The following ERMP1 variants were observed in gnomAD, a reference collection of about 807,000 sequenced individuals.
ERMP1 encodes the protein endoplasmic reticulum metallopeptidase 1.
ERMP1 carries 86 observed loss-of-function variants against 92.0 expected under a neutral mutation model. The observed-to-expected ratio is 0.93, with a 90% CI of 0.79 to 1.12. The LOEUF (loss-of-function observed/expected upper bound fraction) is 1.12. Ranked by LOEUF, ERMP1 falls within the 50% of genes most tolerant of loss-of-function variation. The pLI is 0.00. For missense variants in ERMP1, 1,342 were observed against 1,116.3 expected, an observed-to-expected ratio of 1.20 and a Z score of -2.88; for synonymous variants, 530 against 412.8, an observed-to-expected ratio of 1.28 and a Z score of -3.44.
intron 4 of ERMP1, among the ~76,000 whole-genome samples, chr9:5,819,500 A>G (rs902736307): frequency 1.3e-5 from 2 of 152,254 alleles, no homozygotes; most frequent in African/African-American, 2.4e-5. Context: ...TGCCTGTCCA[A>G]TCTCAGACTG....
At chr9:5,790,383 CAAAT>C (rs1828135476) in intron 13 of ERMP1, among the ~76,000 whole-genome samples, 2 of 151,492 alleles carry the variant, frequency 1.3e-5, no homozygotes, top group South Asian at 4.1e-4. Context: ...AGGAATATAA[CAAAT>C]AAAGCAACAC....
chr9:5,804,088 A>C (rs34775274), intron 10 of ERMP1, among the ~76,000 whole-genome samples: 4,453 of 152,296 alleles, frequency 0.029, 70 homozygotes, highest in Admixed American at 0.041. Context: ...GCCCTTTACT[A>C]TATCAGTATG....
chr9:5,858,249 T>A (rs188847878), intron 6 of ERMP1, among the ~76,000 whole-genome samples: 83 of 151,764 alleles, frequency 5.5e-4, no homozygotes, highest in African/African-American at 1.9e-3. Flanking sequence ...GTAAAAATGA[T>A]GAGAGATGAA....
intron 6 of ERMP1, among the ~76,000 whole-genome samples, chr9:5,851,310 ATT>A (rs1476017567): frequency 6.6e-6 from 1 of 151,896 alleles, no homozygotes; most frequent in Non-Finnish European, 1.5e-5. Context: ...CTTTTCTTTC[ATT>A]TGTTTCTGTT....
At chr9:5,820,013 C>T (rs1398446795) in intron 4 of ERMP1, among the ~76,000 whole-genome samples, 1 of 152,154 alleles carries the variant, frequency 6.6e-6, no homozygotes, top group East Asian at 1.9e-4. Context: ...CTAAAGAAGG[C>T]TACAGGCCGG....
At chr9:5,844,647 G>T (rs752365244) in intron 6 of ERMP1, among the ~76,000 whole-genome samples, 5 of 152,200 alleles carry the variant, frequency 3.3e-5, no homozygotes, top group Non-Finnish European at 5.9e-5. Context: ...GCGGAGAACT[G>T]TCAAGGAGCC....
intron 5 of ERMP1, among the ~76,000 whole-genome samples, chr9:5,861,339 A>T (rs966686183): frequency 1.3e-5 from 2 of 151,708 alleles, no homozygotes; most frequent in African/African-American, 4.8e-5. Flanking sequence ...AAAAAAAAGT[A>T]AGATTTAAGG....
intron 10 of ERMP1, among the ~76,000 whole-genome samples, chr9:5,804,786 G>C (rs1020342997): frequency 3.3e-5 from 5 of 151,846 alleles, no homozygotes; most frequent in African/African-American, 1.2e-4. Context: ...TTTGAAAAGA[G>C]GTAAATCAGA....
chr9:5,845,333 C>T (rs998325343), intron 6 of ERMP1, among the ~76,000 whole-genome samples: 5 of 151,950 alleles, frequency 3.3e-5, no homozygotes, highest in Non-Finnish European at 4.4e-5. Flanking sequence ...GAGGCCAAGG[C>T]GGGAGGATCA....
chr9:5,808,316 T>G (rs1409934711), intron 8 of ERMP1, among the ~76,000 whole-genome samples: 1 of 152,254 alleles, frequency 6.6e-6, no homozygotes, highest in East Asian at 1.9e-4. Flanking sequence ...CAACAATAGT[T>G]AGCCACACTC....
chr9:5,842,263 A>C (rs1486141513), intron 6 of ERMP1, among the ~76,000 whole-genome samples: 1 of 152,010 alleles, frequency 6.6e-6, no homozygotes. Context: ...TTACAGAGTG[A>C]TGATTGGTGC....
intron 6 of ERMP1, among the ~76,000 whole-genome samples, chr9:5,852,226 T>C (rs1294763774): frequency 1.3e-5 from 2 of 152,068 alleles, no homozygotes; most frequent in East Asian, 1.9e-4. Flanking sequence ...GATGTTGTTA[T>C]TTCTGGCACA....
rs1435907520 is a variant in ERMP1 at position 5,866,332 on chromosome 9, A to G, written n.3055+1470T>C. Among the ~76,000 whole-genome samples, 6 of 152,342 alleles carry G rather than the reference A, an allele frequency of 3.9e-5. No individual in the cohort carries two copies. In the East Asian group the frequency reaches 7.7e-4, roughly 20 times the overall value. Reference sequence around the variant, plus strand: ...GAACAGAACCAATATTATCCAAACAACATACCCAAACCATAGGATCCAACA... The same window carrying G: ...GAACAGAACCAATATTATCCAAACAGCATACCCAAACCATAGGATCCAACA... On this transcript the variant is annotated intron_variant and non_coding_transcript_variant, in intron 5 of 6. Transcript: ENST00000690753.
At chr9:5,846,929 C>G (rs953330680) in intron 6 of ERMP1, among the ~76,000 whole-genome samples, 1 of 152,164 alleles carries the variant, frequency 6.6e-6, no homozygotes, top group Admixed American at 6.5e-5. Flanking sequence ...AATGGGTATG[C>G]TGCAGAGATT....
At chr9:5,826,824 G>GA in intron 2 of ERMP1, among the ~76,000 whole-genome samples, 1 of 152,266 alleles carries the variant, frequency 6.6e-6, no homozygotes, top group South Asian at 2.1e-4. Context: ...CAAAAAGAGA[G>GA]AAAGGGAAAT....
chr9:5,862,950 G>C (rs897173090), intron 5 of ERMP1, among the ~76,000 whole-genome samples: 2 of 152,344 alleles, frequency 1.3e-5, no homozygotes, highest in East Asian at 1.9e-4. Flanking sequence ...AGCAGACAGA[G>C]ATTTATGTGC....
intron 5 of ERMP1, among the ~76,000 whole-genome samples, chr9:5,866,161 G>A (rs1362351904): frequency 6.6e-6 from 1 of 152,140 alleles, no homozygotes; most frequent in African/African-American, 2.4e-5. Flanking sequence ...TTCCATTTTG[G>A]GGGGTAAATT....
At chr9:5,810,254 T>C in intron 7 of ERMP1, 23 bp from the exon 8 acceptor site, 6 of 1,559,934 alleles carry the variant, frequency 3.8e-6, no homozygotes, top group Non-Finnish European at 5.3e-6. Flanking sequence ...AAACAAAAAG[T>C]TGAAATCACC....
chr9:5,814,073 T>G (rs1230491065), intron 4 of ERMP1, among the ~76,000 whole-genome samples: 1 of 152,066 alleles, frequency 6.6e-6, no homozygotes, highest in East Asian at 1.9e-4. Flanking sequence ...CAACAGACTG[T>G]GAGGAGGAAT....
Sources: gnomAD v4.1 joint callset for allele counts (sites outside exome capture counted in the v4.1 genomes callset) on GRCh38, gnomAD v4.1.1 for gene constraint, MANE v1.5 for transcripts, NCBI Gene and HGNC (gene_info 2026-07-23, HGNC 2026-07-21) for gene names.